Variants in CFAP300 observed in about 807,000 individuals in gnomAD.
CFAP300 encodes the protein cilia- and flagella-associated protein 300.
Under a neutral mutation model 33.0 loss-of-function variants are expected in CFAP300, and 32 were observed. That is an observed-to-expected ratio of 0.97 (90% CI 0.73 to 1.30). The LOEUF is 1.30. Ranked by LOEUF, CFAP300 falls within the 50% of genes most tolerant of loss-of-function variation. CFAP300 has a pLI of 0.00. For synonymous variants in CFAP300, 102 were observed against 106.8 expected, an observed-to-expected ratio of 0.95 and a Z score of 0.28; for missense variants, 356 against 318.1, an observed-to-expected ratio of 1.12 and a Z score of -0.90.
At chr11:102,061,951 G>T (rs893113429) in intron 3 of CFAP300, among the ~76,000 whole-genome samples, 3 of 152,190 alleles carry the variant, frequency 2.0e-5, no homozygotes, top group Non-Finnish European at 2.9e-5. Context: ...AATAGCATGT[G>T]TTATGGAGTG....
rs1234862894 is a variant in CFAP300, at chr11:102,083,939, C to T, written c.*740C>T. On this transcript the variant is annotated 3_prime_UTR_variant, in exon 7 of 7. Coordinates refer to ENST00000434758, the MANE Select transcript of CFAP300 (RefSeq NM_032930.3). ...GCTGAGGCAAGAGAATCACTTGAAC[C>T]CGGGAAGTGAGGTTGCAGTGAGCCG... is the stretch of plus-strand genomic sequence containing the variant. 6.6e-6 allele frequency: 1 copy of T among 152,194 alleles called. No individual in the cohort carries two copies. The highest frequency in any genetic ancestry group is 6.6e-5 in the Admixed American group (1 of 15,260). 9.4% of individuals were successfully genotyped at this position (152,194 alleles called of 1,614,324 possible).
At chr11:102,047,953 C>T in intron 2 of CFAP300, 57 bp downstream of exon 2, 2 of 1,552,198 alleles carry the variant, frequency 1.3e-6, no homozygotes, top group Non-Finnish European at 1.8e-6. Context: ...AACTTCCCCC[C>T]AAGTTGGCAT....
At chr11:102,069,878 G>A (rs940592437) in intron 4 of CFAP300, among the ~76,000 whole-genome samples, 1 of 152,054 alleles carries the variant, frequency 6.6e-6, no homozygotes, top group South Asian at 2.1e-4. Context: ...GAGGTGGGAG[G>A]ATTGCCTGAA....
chr11:102,047,862 C>T lies in CFAP300; in HGVS notation c.158C>T (p.Thr53Ile). 1 of 1,614,218 alleles carries T rather than the reference C, an allele frequency of 6.2e-7. No homozygotes were observed. Among genetic ancestry groups the T allele is most frequent in the Non-Finnish European group, 8.5e-7 (1 of 1,180,040 alleles). ...GCGCAGGCGTTCGGCTTTGACCAGA[C>T]CTTTCAGTCCTATCGGAAGGATGAT... ...IKAQAFGFDQ[T>I]FQSYRKDDFV... Residue 53 changes from threonine (T) to isoleucine (I), a missense_variant, in exon 2 of 7, where the codon ACC (threonine) becomes ATC (isoleucine). By Grantham distance (89) the Thr-to-Ile change is moderately conservative. Coordinates refer to ENST00000434758, the MANE Select transcript of CFAP300 (RefSeq NM_032930.3).
At chr11:102,071,744 T>G (rs1407946847) in intron 4 of CFAP300, among the ~76,000 whole-genome samples, 1 of 152,118 alleles carries the variant, frequency 6.6e-6, no homozygotes, top group Non-Finnish European at 1.5e-5. Flanking sequence ...TGGCTGCTAG[T>G]TTTTTTCTTT....
In CFAP300 at chr11:102,047,615, T is replaced by C; in HGVS notation, c.110+35T>C. On this transcript the variant is annotated intron_variant, in intron 1 of 6. Transcript: ENST00000434758. ...CGAGGCACAGGGAGAGAAGAGGCCC[T>C]TGGTCTTCGCGGCTGTGGAGGCGCA... The C allele has an allele frequency of 7.9e-6, 12 of 1,525,876 alleles. No homozygotes were observed. In the South Asian group the frequency reaches 1.2e-4, roughly 15 times the overall value. 94.5% of individuals were successfully genotyped at this position (1,525,876 alleles called of 1,614,324 possible). A position where few individuals can be genotyped will look rare whatever the true frequency, so the allele number is the denominator to read the frequency against.
rs865809219 is a variant in CFAP300 at position 102,047,581 on chromosome 11, G to T, written c.110+1G>T. 5.2e-6 allele frequency: 8 copies of T among 1,535,668 alleles called. No individual in the cohort carries two copies. The African/African-American group carries it at 1.1e-4, about 21-fold the overall frequency. On this transcript the variant is annotated splice_donor_variant, in intron 1 of 6. Coordinates refer to ENST00000434758, the MANE Select transcript of CFAP300 (RefSeq NM_032930.3). LOFTEE classifies it high-confidence loss of function. ...AGATCACCAGCCGGCTCCGCCAGTGGTGAGGAACCGAGGCACAGGGAGAGA... is the reference window on the plus strand; with the variant it reads ...AGATCACCAGCCGGCTCCGCCAGTGTTGAGGAACCGAGGCACAGGGAGAGA...
intron 1 of CFAP300, 89 bp downstream of exon 1, chr11:102,047,669 C>A: frequency 6.8e-7 from 1 of 1,460,092 alleles, no homozygotes; most frequent in Non-Finnish European, 9.2e-7. Flanking sequence ...CCGCGCGGGT[C>A]GGCGCCATTC....
Position 102,072,216 on chromosome 11 carries a change from C to T in CFAP300, c.436-3657C>T, listed in dbSNP as rs1942323273. Among the ~76,000 whole-genome samples, 4 of 151,750 alleles carry T rather than the reference C, an allele frequency of 2.6e-5. 1 individual carries two copies. In the South Asian group the frequency reaches 8.3e-4, roughly 32 times the overall value. ...TGTCTGACTGGGTTACTTCAAAAGA[C>T]CTGTCTTCAAGTTCTGAAACTCTTT... On this transcript the variant is annotated intron_variant, in intron 4 of 6. Coordinates refer to ENST00000434758, the MANE Select transcript of CFAP300 (RefSeq NM_032930.3).
intron 3 of CFAP300, among the ~76,000 whole-genome samples, chr11:102,060,658 C>T (rs2135026356): frequency 6.6e-6 from 1 of 152,026 alleles, no homozygotes; most frequent in Non-Finnish European, 1.5e-5. Flanking sequence ...AGCAACGTTC[C>T]ATTTAGAAGG....
At chr11:102,073,248 C>T (rs1942339442) in intron 4 of CFAP300, among the ~76,000 whole-genome samples, 1 of 152,140 alleles carries the variant, frequency 6.6e-6, no homozygotes, top group Non-Finnish European at 1.5e-5. Context: ...AAGCAATACA[C>T]ACTTATATTA....
chr11:102,073,860 C>G (rs1392500168), intron 4 of CFAP300, among the ~76,000 whole-genome samples: 1 of 152,156 alleles, frequency 6.6e-6, no homozygotes, highest in Non-Finnish European at 1.5e-5. Flanking sequence ...GTTTCAGCCC[C>G]TCAGCTGTGG....
intron 2 of CFAP300, among the ~76,000 whole-genome samples, chr11:102,057,689 TACAA>T (rs1942080849): frequency 6.6e-6 from 1 of 152,188 alleles, no homozygotes; most frequent in South Asian, 2.1e-4. Context: ...GACCTAGGTT[TACAA>T]ACAGACTCAT....
chr11:102,064,753 A>G lies in CFAP300; in HGVS notation c.269-1732A>G, dbSNP rs553494795. ...AACAAAAGAACACCACCACTGTTCTATCAGAATGAGAGTGTGTGTATATGT... is the reference window on the plus strand; with the variant it reads ...AACAAAAGAACACCACCACTGTTCTGTCAGAATGAGAGTGTGTGTATATGT... On this transcript the variant is annotated intron_variant, in intron 3 of 6. Transcript: ENST00000434758. Among the ~76,000 whole-genome samples, 3 of 152,340 alleles carry G rather than the reference A, an allele frequency of 2.0e-5. No individual in the cohort carries two copies. The South Asian group carries it at 6.2e-4, about 32-fold the overall frequency.
chr11:102,050,236 A>T (rs1565386772), intron 2 of CFAP300, among the ~76,000 whole-genome samples: 1 of 152,196 alleles, frequency 6.6e-6, no homozygotes, highest in Non-Finnish European at 1.5e-5. Context: ...TATGTTTATC[A>T]TTAATCTTTA....
chr11:102,083,201 G>A lies in CFAP300; in HGVS notation c.*2G>A. The A allele has an allele frequency of 6.8e-7, 1 of 1,478,984 alleles. No homozygotes were observed. Among genetic ancestry groups the A allele is most frequent in the Non-Finnish European group, 9.0e-7 (1 of 1,106,094 alleles). 91.6% of individuals were successfully genotyped at this position (1,478,984 alleles called of 1,614,324 possible). ...TATGGTGTGGGAGACATGTCTTAAT[G>A]TTCTTTCAGATTATGTACCTCTACT... On this transcript the variant is annotated 3_prime_UTR_variant, in exon 7 of 7. Transcript: ENST00000434758.
Position 102,083,059 on chromosome 11 carries a change from T to G in CFAP300, c.676-12T>G, listed in dbSNP as rs774528298. On this transcript the variant is annotated splice_polypyrimidine_tract_variant and intron_variant, in intron 6 of 6. Coordinates refer to ENST00000434758, the MANE Select transcript of CFAP300 (RefSeq NM_032930.3). ...AAATAAAATAATAATAATTTAGGTTTGTCTTTTTCAGGATTCTGCTGGTAT... is the reference window on the plus strand; with the variant it reads ...AAATAAAATAATAATAATTTAGGTTGGTCTTTTTCAGGATTCTGCTGGTAT... 2.9e-6 allele frequency: 4 copies of G among 1,359,820 alleles called. No homozygotes were observed. The highest frequency in any genetic ancestry group is 2.8e-5 in the Admixed American group (1 of 36,152). The allele number at this position is 1,359,820 out of a possible 1,614,324, so 84.2% of individuals were successfully genotyped here.
intron 1 of CFAP300, 64 bp downstream of exon 1, chr11:102,047,644 C>T: frequency 6.7e-7 from 1 of 1,502,918 alleles, no homozygotes; most frequent in Non-Finnish European, 8.9e-7. Flanking sequence ...AGGCGCAGGC[C>T]GGGCGTCGAG....
Position 102,058,881 on chromosome 11 carries a change from CTTT to C in CFAP300, c.198_200del (p.Phe67del), listed in dbSNP as rs745839898. 2.9e-4 allele frequency: 455 copies of C among 1,562,404 alleles called. 1 individual carries two copies. Among genetic ancestry groups the C allele is most frequent in the Non-Finnish European group, 1.1e-4 (123 of 1,153,646 alleles). On this transcript the variant is annotated inframe_deletion and splice_region_variant, in exon 3 of 7. Coordinates refer to ENST00000434758, the MANE Select transcript of CFAP300 (RefSeq NM_032930.3). ...ATTCCCCTCAAATTTGTATTTTAGG[CTTT>C]TTTCAAAGACCCAAATGTTATTCCC...
Sources: allele counts gnomAD v4.1 joint callset (sites outside exome capture counted in the v4.1 genomes callset), GRCh38; gene constraint gnomAD v4.1.1; transcripts MANE v1.5; gene names NCBI Gene and HGNC (gene_info 2026-07-23, HGNC 2026-07-21).